The following EFNA5 variants were observed in gnomAD, a reference collection of about 807,000 sequenced individuals.
The protein encoded by EFNA5 is ephrin A5.
Under a neutral mutation model 22.9 loss-of-function variants are expected in EFNA5, and 5 were observed. That is an observed-to-expected ratio of 0.22 (90% CI 0.11 to 0.46). The LOEUF (loss-of-function observed/expected upper bound fraction) is 0.46, where lower values mean the gene tolerates loss of function less well. Ranked by LOEUF, EFNA5 falls within the 20% of genes least tolerant of loss-of-function variation. The pLI is 0.99. For missense variants in EFNA5, 237 were observed against 293.3 expected, an observed-to-expected ratio of 0.81 and a Z score of 1.40; for synonymous variants, 113 against 112.2, an observed-to-expected ratio of 1.01 and a Z score of -0.04.
intron 1 of EFNA5, among the ~76,000 whole-genome samples, chr5:107,630,590 G>A (rs1004585308): frequency 7.5e-5 from 11 of 147,160 alleles, no homozygotes; most frequent in African/African-American, 2.5e-4. Context: ...CGGTGAGTGA[G>A]TGGTGACTGA....
rs115690191 is a variant in EFNA5, at chr5:107,640,323, T to C, written c.125+30166A>G. The stretch of plus-strand genomic sequence containing the variant: ...AGAAGTATGAGAAGAATACTCATTA[T>C]ATCAATGTTAAGAGAAAAAAAAAGG... On this transcript the variant is annotated intron_variant, in intron 1 of 4. Transcript: ENST00000333274. Among the ~76,000 whole-genome samples the C allele has an allele frequency of 8.7e-3, 1,325 of 152,286 alleles. 7 individuals carry two copies. The highest frequency in any genetic ancestry group is 0.024 in the Middle Eastern group (7 of 294).
At chr5:107,484,726 A>G (rs1164783992) in intron 1 of EFNA5, among the ~76,000 whole-genome samples, 1 of 152,170 alleles carries the variant, frequency 6.6e-6, no homozygotes, top group East Asian at 1.9e-4. Flanking sequence ...GAGATACTGT[A>G]TCTAACACTC....
intron 1 of EFNA5, among the ~76,000 whole-genome samples, chr5:107,666,802 C>T (rs919663694): frequency 2.0e-5 from 3 of 151,998 alleles, no homozygotes; most frequent in Non-Finnish European, 4.4e-5. Context: ...ACTTAGAATA[C>T]GCACATGATG....
intron 1 of EFNA5, among the ~76,000 whole-genome samples, chr5:107,606,263 A>G (rs1749710222): frequency 6.6e-6 from 1 of 152,146 alleles, no homozygotes; most frequent in Non-Finnish European, 1.5e-5. Flanking sequence ...GAACATTAAA[A>G]TTGATTTTCA....
At chr5:107,467,304 C>T (rs1287265682) in intron 1 of EFNA5, among the ~76,000 whole-genome samples, 1 of 152,050 alleles carries the variant, frequency 6.6e-6, no homozygotes, top group Non-Finnish European at 1.5e-5. Flanking sequence ...AGAAAAGTAA[C>T]TCTATGAATC....
intron 1 of EFNA5, among the ~76,000 whole-genome samples, chr5:107,472,747 G>C (rs1321421900): frequency 6.6e-6 from 1 of 152,164 alleles, no homozygotes; most frequent in African/African-American, 2.4e-5. Context: ...GCCAGCTCTG[G>C]CAGCTTATTT....
At chr5:107,546,220 T>A (rs1748149641) in intron 1 of EFNA5, among the ~76,000 whole-genome samples, 1 of 152,138 alleles carries the variant, frequency 6.6e-6, no homozygotes, top group African/African-American at 2.4e-5. Flanking sequence ...GATAACACAA[T>A]TTGTAGGGGC....
intron 1 of EFNA5, among the ~76,000 whole-genome samples, chr5:107,448,301 C>A (rs905571017): frequency 2.6e-5 from 4 of 152,182 alleles, no homozygotes; most frequent in Non-Finnish European, 5.9e-5. Context: ...CTCCCTGGCA[C>A]CTGCCAGTAA....
intron 2 of EFNA5, among the ~76,000 whole-genome samples, chr5:107,410,082 G>A (rs947758517): frequency 6.9e-6 from 1 of 145,744 alleles, no homozygotes; most frequent in African/African-American, 2.6e-5. Context: ...AGGCTGGAGT[G>A]CAGCGGCGCG....
In EFNA5 at chr5:107,518,005, G is replaced by C. The variant is rs138707211; in HGVS notation, c.126-90496C>G. Among the ~76,000 whole-genome samples the C allele has an allele frequency of 4.2e-3, 638 of 152,200 alleles. 12 individuals carry two copies. The highest frequency in any genetic ancestry group is 0.025 in the Admixed American group (388 of 15,284). On this transcript the variant is annotated intron_variant, in intron 1 of 4. Transcript: ENST00000333274. ...AACTATATATGCAACAACAAAACAG[G>C]ATTAAAAGCTTTTTAATGAAGGCAC... is the stretch of plus-strand genomic sequence containing the variant.
intron 2 of EFNA5, among the ~76,000 whole-genome samples, chr5:107,399,041 T>A (rs1306281164): frequency 1.1e-4 from 17 of 152,086 alleles, no homozygotes. Flanking sequence ...GCTGGCTCCT[T>A]CTTGTAGAAT....
intron 1 of EFNA5, among the ~76,000 whole-genome samples, chr5:107,632,365 A>T (rs1202766118): frequency 6.6e-6 from 1 of 152,224 alleles, no homozygotes; most frequent in African/African-American, 2.4e-5. Flanking sequence ...ACATAAAAAA[A>T]TTATAACACG....
At chr5:107,444,566 C>T (rs1038672312) in intron 1 of EFNA5, among the ~76,000 whole-genome samples, 1 of 152,340 alleles carries the variant, frequency 6.6e-6, no homozygotes, top group South Asian at 2.1e-4. Flanking sequence ...GGTTGAACTT[C>T]TCTTTTCAAT....
At chr5:107,598,625 T>C (rs1480237559) in intron 1 of EFNA5, among the ~76,000 whole-genome samples, 1 of 152,120 alleles carries the variant, frequency 6.6e-6, no homozygotes, top group Non-Finnish European at 1.5e-5. Context: ...AACCCATAAA[T>C]ACATACAGAT....
At chr5:107,413,367 C>T (rs999290600) in intron 2 of EFNA5, among the ~76,000 whole-genome samples, 2 of 152,076 alleles carry the variant, frequency 1.3e-5, no homozygotes, top group Non-Finnish European at 2.9e-5. Context: ...CAAATCATTG[C>T]TCCATTTAAA....
intron 1 of EFNA5, among the ~76,000 whole-genome samples, chr5:107,440,280 T>C (rs1021693076): frequency 6.6e-6 from 1 of 152,242 alleles, no homozygotes. Flanking sequence ...GATTCTCAAG[T>C]ACTACAATAT....
intron 1 of EFNA5, among the ~76,000 whole-genome samples, chr5:107,565,576 A>C (rs1748648374): frequency 6.6e-6 from 1 of 152,206 alleles, no homozygotes; most frequent in South Asian, 2.1e-4. Context: ...TTTGCACAAC[A>C]AAGTTTGCTG....
Position 107,381,140 on chromosome 5 carries a change from T to G in EFNA5, c.*115A>C. 1 of 1,397,670 alleles carries G rather than the reference T, an allele frequency of 7.2e-7. No individual in the cohort carries two copies. Among genetic ancestry groups the G allele is most frequent in the East Asian group, 2.4e-5 (1 of 41,474 alleles). 86.6% of individuals were successfully genotyped at this position (1,397,670 alleles called of 1,614,324 possible). ...CAGGCTGAAAGAAAGAAAACAAAAA[T>G]CTGACATCTGCCAAAACCCAATAAC... On this transcript the variant is annotated 3_prime_UTR_variant, in exon 5 of 5. Coordinates refer to ENST00000333274, the MANE Select transcript of EFNA5 (RefSeq NM_001962.3).
intron 1 of EFNA5, among the ~76,000 whole-genome samples, chr5:107,488,968 G>A (rs1269807168): frequency 3.5e-4 from 53 of 152,162 alleles, no homozygotes; most frequent in Non-Finnish European, 1.5e-5. Context: ...TAGGATTACA[G>A]GCATGAGCCA....
Sources: gnomAD v4.1 joint callset for allele counts (sites outside exome capture counted in the v4.1 genomes callset) on GRCh38, gnomAD v4.1.1 for gene constraint, MANE v1.5 for transcripts, NCBI Gene and HGNC (gene_info 2026-07-23, HGNC 2026-07-21) for gene names.